Variants in ADAM7 observed in about 807,000 individuals in gnomAD.
The protein encoded by ADAM7 is ADAM metallopeptidase domain 7.
In ADAM7, 97 loss-of-function variants were observed where a neutral mutation model predicts 102.9. That is an observed-to-expected ratio of 0.94 (90% CI 0.80 to 1.12). The LOEUF (loss-of-function observed/expected upper bound fraction) is 1.12, where lower values mean the gene tolerates loss of function less well. Among genes scored for constraint, ADAM7 ranks in the 50% most tolerant of loss-of-function variants. The pLI is 0.00. For synonymous variants in ADAM7, 334 were observed against 304.4 expected, an observed-to-expected ratio of 1.10 and a Z score of -1.01; for missense variants, 991 against 908.7, an observed-to-expected ratio of 1.09 and a Z score of -1.16.
chr8:24,492,449 A>T (rs1290279206), intron 14 of ADAM7, 46 bp from the exon 15 acceptor site: 2 of 1,327,460 alleles, frequency 1.5e-6, no homozygotes, highest in Non-Finnish European at 2.1e-6. Flanking sequence ...ATGATTCATG[A>T]TAGTCATGCT....
At chr8:24,504,072 T>TA (rs1241913710) in intron 20 of ADAM7, among the ~76,000 whole-genome samples, 19 of 150,486 alleles carry the variant, frequency 1.3e-4, no homozygotes, top group Non-Finnish European at 2.5e-4. Context: ...ATAAATAAAA[T>TA]AAAAAAACTG....
chr8:24,483,408 T>C (rs762950134), intron 9 of ADAM7, among the ~76,000 whole-genome samples: 1 of 152,206 alleles, frequency 6.6e-6, no homozygotes, highest in Non-Finnish European at 1.5e-5. Flanking sequence ...GTGCTCACTC[T>C]TCCTACTTTA....
intron 20 of ADAM7, chr8:24,506,044 G>A (rs1349477548): frequency 4.5e-6 from 6 of 1,333,906 alleles, no homozygotes. Context: ...TTTCAGTATT[G>A]GTATATTTAC....
chr8:24,486,138 G>A (rs1351230662), intron 10 of ADAM7, among the ~76,000 whole-genome samples: 1 of 151,970 alleles, frequency 6.6e-6, no homozygotes, highest in Non-Finnish European at 1.5e-5. Context: ...TATGATACAC[G>A]CTACTTAGAT....
At chr8:24,507,335 G>C (rs185446999) in intron 20 of ADAM7, 145 bp from the exon 21 acceptor site, 15 of 621,412 alleles carry the variant, frequency 2.4e-5, no homozygotes, top group Non-Finnish European at 3.2e-5. Context: ...TTTACAAACT[G>C]TCTTGGATTT....
Position 24,487,410 on chromosome 8 carries a change from G to A in ADAM7, c.1091+93G>A, listed in dbSNP as rs574869493. The A allele has an allele frequency of 2.8e-6, 4 of 1,432,668 alleles. No individual in the cohort carries two copies. In the East Asian group the frequency reaches 1.1e-4, roughly 39 times the overall value. The allele number at this position is 1,432,668 out of a possible 1,614,324, so 88.7% of individuals were successfully genotyped here. On this transcript the variant is annotated intron_variant, in intron 11 of 21. Coordinates refer to ENST00000175238, the MANE Select transcript of ADAM7 (RefSeq NM_003817.4). Reference sequence around the variant, plus strand: ...GCCTGTAATCCCAGCACTTTGGGAGGCCGAGGCAGGTGGATCACCTGAGGT... The same window carrying A: ...GCCTGTAATCCCAGCACTTTGGGAGACCGAGGCAGGTGGATCACCTGAGGT...
At chr8:24,485,175 C>A in intron 9 of ADAM7, 102 bp from the exon 10 acceptor site, 1 of 1,030,688 alleles carries the variant, frequency 9.7e-7, no homozygotes, top group Non-Finnish European at 1.5e-6. Context: ...GGCATTTTCA[C>A]ATGCAAAAGC....
At chr8:24,463,476 A>G (rs1315268381) in intron 3 of ADAM7, among the ~76,000 whole-genome samples, 2 of 152,124 alleles carry the variant, frequency 1.3e-5, no homozygotes, top group East Asian at 1.9e-4. Flanking sequence ...TTATCTAAAT[A>G]TGTAGCTGTT....
intron 19 of ADAM7, among the ~76,000 whole-genome samples, chr8:24,501,223 T>C (rs1820749080): frequency 6.6e-6 from 1 of 152,170 alleles, no homozygotes; most frequent in African/African-American, 2.4e-5. Flanking sequence ...TAGCCATAAA[T>C]GTATCCCATA....
chr8:24,506,976 C>T (rs541382247), intron 20 of ADAM7, among the ~76,000 whole-genome samples: 5 of 152,150 alleles, frequency 3.3e-5, no homozygotes, highest in African/African-American at 9.6e-5. Context: ...ACGACTAAAA[C>T]GCTGTGATTA....
At chr8:24,476,321 T>A in intron 7 of ADAM7, 112 bp from the exon 8 acceptor site, 1 of 725,920 alleles carries the variant, frequency 1.4e-6, no homozygotes, top group Non-Finnish European at 2.2e-6. Context: ...TTCTCTTTCT[T>A]CATTAGGCCA....
Position 24,447,172 on chromosome 8 carries a change from CTCT to C in ADAM7, c.157-9_157-7del. On this transcript the variant is annotated splice_polypyrimidine_tract_variant and intron_variant, in intron 2 of 21. Coordinates refer to ENST00000175238, the MANE Select transcript of ADAM7 (RefSeq NM_003817.4). Reference sequence around the variant, plus strand: ...AGCCCATGTTGAAGTCACGTGATGCCTCTTCTTTTTTAGAAAACGTATGAAGAA... The same window carrying C: ...AGCCCATGTTGAAGTCACGTGATGCCTCTTTTTTAGAAAACGTATGAAGAA... 6.7e-7 allele frequency: 1 copy of C among 1,502,220 alleles called. No homozygotes were observed. Among genetic ancestry groups the C allele is most frequent in the East Asian group, 2.3e-5 (1 of 42,868 alleles). 93.1% of individuals were successfully genotyped at this position (1,502,220 alleles called of 1,614,324 possible). A position where few individuals can be genotyped will look rare whatever the true frequency, so the allele number is the denominator to read the frequency against.
chr8:24,459,805 T>A (rs909299349), intron 3 of ADAM7, among the ~76,000 whole-genome samples: 1 of 152,198 alleles, frequency 6.6e-6, no homozygotes, highest in Non-Finnish European at 1.5e-5. Context: ...GTTGTCTATT[T>A]ATTTCACTGA....
At chr8:24,481,166 A>G (rs1485291659) in intron 8 of ADAM7, among the ~76,000 whole-genome samples, 2 of 152,172 alleles carry the variant, frequency 1.3e-5, no homozygotes, top group Non-Finnish European at 2.9e-5. Flanking sequence ...GAGTTTGACT[A>G]CATGTCTAAC....
intron 3 of ADAM7, among the ~76,000 whole-genome samples, chr8:24,462,145 C>T (rs564146718): frequency 1.3e-5 from 2 of 152,158 alleles, no homozygotes; most frequent in African/African-American, 4.8e-5. Context: ...TGGAGATTAA[C>T]TTTGTTGGAC....
chr8:24,481,617 C>T (rs1819954446), intron 8 of ADAM7, among the ~76,000 whole-genome samples: 1 of 152,124 alleles, frequency 6.6e-6, no homozygotes, highest in Non-Finnish European at 1.5e-5. Flanking sequence ...CTATTTCTGC[C>T]TGCTTAGAGC....
At chr8:24,496,349 T>G (rs1477200805) in intron 16 of ADAM7, among the ~76,000 whole-genome samples, 2 of 152,174 alleles carry the variant, frequency 1.3e-5, no homozygotes, top group Non-Finnish European at 2.9e-5. Flanking sequence ...TAGGGCAGTG[T>G]AGATGAGAAA....
At chr8:24,506,227 T>C (rs1168936899) in intron 20 of ADAM7, 1 of 1,251,942 alleles carries the variant, frequency 8.0e-7, no homozygotes, top group African/African-American at 1.5e-5. Flanking sequence ...TGAAACTTAA[T>C]CATTTGTTGG....
chr8:24,488,040 A>T (rs1820204982), intron 11 of ADAM7, among the ~76,000 whole-genome samples: 1 of 152,108 alleles, frequency 6.6e-6, no homozygotes, highest in Non-Finnish European at 1.5e-5. Context: ...TCATACATAC[A>T]TCCTGGCATT....
Sources: gnomAD v4.1 joint callset for allele counts (sites outside exome capture counted in the v4.1 genomes callset) on GRCh38, gnomAD v4.1.1 for gene constraint, MANE v1.5 for transcripts, NCBI Gene and HGNC (gene_info 2026-07-23, HGNC 2026-07-21) for gene names.